EPB41: variants seen among roughly 807,000 people sequenced by gnomAD.
EPB41 encodes erythrocyte membrane protein band 4.1.
A neutral mutation model predicts 108.0 loss-of-function variants in EPB41; 65 were observed. That is an observed-to-expected ratio of 0.60 (90% CI 0.49 to 0.74). EPB41 has a LOEUF of 0.74. EPB41 is among the 30% of genes least tolerant of loss of function. The probability of loss-of-function intolerance (pLI) is 0.00; values close to 1 mark genes in which losing one functional copy is unlikely to be tolerated. For missense variants in EPB41, 875 were observed against 1,037.0 expected (o/e 0.84, Z 2.15); for synonymous variants, 336 against 358.9 (o/e 0.94, Z 0.72).
intron 1 of EPB41, among the ~76,000 whole-genome samples, chr1:28,904,156 T>C (rs2147937293): frequency 6.6e-6 from 1 of 151,378 alleles, no homozygotes. Flanking sequence ...TGAGTCACCT[T>C]GCCCGGCCCA....
intron 1 of EPB41, among the ~76,000 whole-genome samples, chr1:28,959,983 TTTCTTTTTTTTTCTTTTC>T (rs1201565075): frequency 6.6e-6 from 1 of 150,712 alleles, no homozygotes; most frequent in Non-Finnish European, 1.5e-5. Flanking sequence ...CTTGAGGCCC[TTTCTTTTTTTTTCTTTTC>T]TTTTTTTTTT....
intron 4 of EPB41, among the ~76,000 whole-genome samples, chr1:29,011,462 A>C (rs2149931281): frequency 6.6e-6 from 1 of 152,318 alleles, no homozygotes; most frequent in East Asian, 1.9e-4. Flanking sequence ...TTCTGGTTGT[A>C]GCTATCTACT....
chr1:29,037,004 C>T (rs1639747235), intron 10 of EPB41, among the ~76,000 whole-genome samples: 2 of 151,668 alleles, frequency 1.3e-5, no homozygotes, highest in South Asian at 4.2e-4. Flanking sequence ...TTGTTAGCTT[C>T]ACTCTAATGA....
At chr1:29,005,080 G>T (rs1291419002) in intron 4 of EPB41, among the ~76,000 whole-genome samples, 1 of 152,116 alleles carries the variant, frequency 6.6e-6, no homozygotes, top group Non-Finnish European at 1.5e-5. Context: ...CTGCTATAAA[G>T]AAATATCTAT....
intron 15 of EPB41, among the ~76,000 whole-genome samples, chr1:29,063,539 GT>G (rs1377292151): frequency 6.6e-6 from 1 of 152,036 alleles, no homozygotes; most frequent in African/African-American, 2.4e-5. Flanking sequence ...TTTTGAAAAA[GT>G]TTTATTTAGT....
chr1:28,910,468 A>G (rs182868354), upstream of EPB41, among the ~76,000 whole-genome samples: 113 of 152,188 alleles, frequency 7.4e-4, no homozygotes, highest in Non-Finnish European at 1.4e-3. Context: ...GCCCTCTTCA[A>G]TCTCTTGCCA....
chr1:29,113,187 G>A (rs2151734250), intron 19 of EPB41, among the ~76,000 whole-genome samples: 1 of 152,276 alleles, frequency 6.6e-6, no homozygotes, highest in South Asian at 2.1e-4. Flanking sequence ...AAATAATAAG[G>A]TCAGGATTAA....
chr1:29,114,704 T>C (rs1316793765), intron 19 of EPB41, among the ~76,000 whole-genome samples: 1 of 151,444 alleles, frequency 6.6e-6, no homozygotes, highest in Non-Finnish European at 1.5e-5. Flanking sequence ...GTAAGCTCTT[T>C]ACTGAAATTC....
chr1:29,065,125 T>C lies in EPB41; in HGVS notation c.2151T>C (p.Leu717=), dbSNP rs1332309625. Residue 717 remains leucine (L), a synonymous_variant, in exon 16 of 21, where the codon CTT becomes CTC. Coordinates refer to ENST00000343067, the MANE Select transcript of EPB41 (RefSeq NM_001376013.1). ...RLSTHSPFRT[L]NINGQIPTGE... is the part of the protein sequence containing the mutation. ...CCACTCACTCACCCTTCCGAACTCTTAACATCAATGGGCAAATCCCCACAG... is the reference window on the plus strand; with the variant it reads ...CCACTCACTCACCCTTCCGAACTCTCAACATCAATGGGCAAATCCCCACAG... The C allele has an allele frequency of 6.2e-7, 1 of 1,610,520 alleles. No homozygotes were observed. Among genetic ancestry groups the C allele is most frequent in the East Asian group, 2.2e-5 (1 of 44,838 alleles).
intron 1 of EPB41, among the ~76,000 whole-genome samples, chr1:28,949,606 A>T (rs1001195698): frequency 4.7e-4 from 70 of 150,346 alleles, no homozygotes; most frequent in African/African-American, 1.4e-3. Flanking sequence ...TTATTTATTT[A>T]TTTTTATTTT....
At chr1:29,055,784 T>C (rs1368568977) in intron 12 of EPB41, among the ~76,000 whole-genome samples, 1 of 147,796 alleles carries the variant, frequency 6.8e-6, no homozygotes, top group African/African-American at 2.5e-5. Context: ...AAAAATTAGC[T>C]GGGCCTGCTG....
At chr1:28,952,303 G>A (rs990706712) in intron 1 of EPB41, among the ~76,000 whole-genome samples, 10 of 151,880 alleles carry the variant, frequency 6.6e-5, no homozygotes, top group African/African-American at 2.4e-4. Context: ...CAAGGCAGGC[G>A]GATCACTAGG....
chr1:29,016,015 G>A (rs1454634928), intron 6 of EPB41, among the ~76,000 whole-genome samples: 1 of 152,210 alleles, frequency 6.6e-6, no homozygotes, highest in Admixed American at 6.5e-5. Context: ...AACTGGCCTT[G>A]CTTATCATGG....
chr1:28,897,456 G>T (rs189952400), intron 1 of EPB41, among the ~76,000 whole-genome samples: 7 of 151,978 alleles, frequency 4.6e-5, no homozygotes, highest in Admixed American at 4.6e-4. Context: ...GGCTGAGGTG[G>T]GAGGATCCCT....
chr1:28,902,011 T>C (rs1231047190), intron 1 of EPB41, among the ~76,000 whole-genome samples: 2 of 152,236 alleles, frequency 1.3e-5, no homozygotes, highest in African/African-American at 4.8e-5. Context: ...GTCTATATTA[T>C]TCAGCGTTAT....
At chr1:28,998,690 T>G (rs893491073) in intron 4 of EPB41, among the ~76,000 whole-genome samples, 1 of 152,204 alleles carries the variant, frequency 6.6e-6, no homozygotes, top group Non-Finnish European at 1.5e-5. Flanking sequence ...AATATTATTC[T>G]TTAAAGACTT....
At chr1:28,905,818 C>CT (rs573552880) in intron 1 of EPB41, among the ~76,000 whole-genome samples, 7,627 of 133,846 alleles carry the variant, frequency 0.057, 317 homozygotes, top group Admixed American at 0.1. Flanking sequence ...TTCTTTCTTT[C>CT]TTTTTTTTTT....
intron 16 of EPB41, among the ~76,000 whole-genome samples, chr1:29,083,481 C>T (rs1391024552): frequency 6.6e-6 from 1 of 152,112 alleles, no homozygotes; most frequent in East Asian, 1.9e-4. Flanking sequence ...GTTCTTCTGT[C>T]TTCATTTGTT....
chr1:28,987,588 C>G lies in EPB41; in HGVS notation c.151C>G (p.Gln51Glu). Residue 51 changes from glutamine (Q) to glutamate (E), a missense_variant, in exon 2 of 21, where the codon CAG (glutamine) becomes GAG (glutamate). By Grantham distance (29) the Gln-to-Glu change is conservative (BLOSUM62 2). Coordinates refer to ENST00000343067, the MANE Select transcript of EPB41 (RefSeq NM_001376013.1). ...AGCTGAAGGAGATAATTGGTGTGAA[C>G]AGAAGCTGAAAGCTTCTAATGGAGA... Reference protein sequence around the residue: ...TAAEGDNWCEQKLKASNGDTP... With the variant: ...TAAEGDNWCEEKLKASNGDTP... 2.5e-6 allele frequency: 4 copies of G among 1,614,156 alleles called. No individual in the cohort carries two copies. The East Asian group carries it at 8.9e-5, about 36-fold the overall frequency.
Sources: allele counts gnomAD v4.1 joint callset (sites outside exome capture counted in the v4.1 genomes callset), GRCh38; gene constraint gnomAD v4.1.1; transcripts MANE v1.5; gene names NCBI Gene and HGNC (gene_info 2026-07-23, HGNC 2026-07-21).